The following TMC1 variants were observed in gnomAD, a reference collection of about 807,000 sequenced individuals.
The protein encoded by TMC1 is transmembrane channel like 1, also known as transmembrane channel-like protein 1.
TMC1 carries 84 observed loss-of-function variants against 105.8 expected under a neutral mutation model. That is an observed-to-expected ratio of 0.79 (90% CI 0.67 to 0.95). The LOEUF (loss-of-function observed/expected upper bound fraction) is 0.95. Among genes scored for constraint, TMC1 ranks in the 40% least tolerant of loss-of-function variants. The pLI, the probability that TMC1 is intolerant of heterozygous loss-of-function variation, is 0.00. For missense variants in TMC1, 817 were observed against 914.1 expected, an observed-to-expected ratio of 0.89 and a Z score of 1.37; for synonymous variants, 315 against 311.5, an observed-to-expected ratio of 1.01 and a Z score of -0.12.
chr9:72,601,181 C>CACACACACACAG (rs1485402368), intron 2 of TMC1, among the ~76,000 whole-genome samples: 136 of 121,786 alleles, frequency 1.1e-3, no homozygotes, highest in African/African-American at 4.3e-3. Flanking sequence ...CACACACACA[C>CACACACACACAG]ACACACACAC....
chr9:72,639,626 C>T (rs1564461347), intron 4 of TMC1, among the ~76,000 whole-genome samples: 1 of 152,226 alleles, frequency 6.6e-6, no homozygotes, highest in East Asian at 1.9e-4. Flanking sequence ...GGCAGAGTCG[C>T]TCGTGAAATA....
chr9:72,679,610 T>C (rs1826256472), intron 5 of TMC1, among the ~76,000 whole-genome samples: 1 of 152,112 alleles, frequency 6.6e-6, no homozygotes, highest in African/African-American at 2.4e-5. Flanking sequence ...GGTGAGAGCC[T>C]ACACTCTGGT....
intron 18 of TMC1, among the ~76,000 whole-genome samples, chr9:72,813,996 G>T (rs569540640): frequency 6.6e-6 from 1 of 152,290 alleles, no homozygotes; most frequent in South Asian, 2.1e-4. Context: ...GGACCCTAGG[G>T]TGTCCTTTAT....
rs147934260 is a variant in TMC1, at chr9:72,649,560, A to G, written c.16+896A>G. Among the ~76,000 whole-genome samples the G allele has an allele frequency of 2.7e-3, 413 of 152,278 alleles. 1 individual carries two copies. The highest frequency in any genetic ancestry group is 9.6e-3 in the African/African-American group (401 of 41,562). On this transcript the variant is annotated intron_variant, in intron 5 of 23. Coordinates refer to ENST00000297784, the MANE Select transcript of TMC1 (RefSeq NM_138691.3). ...GAATCTGAGCAGTACCCTATTTAAT[A>G]TGCTCATTTTATTAACTTTAAACAC...
Position 72,792,227 on chromosome 9 carries a change from C to T in TMC1, c.1441C>T (p.Leu481Phe), listed in dbSNP as rs1401888628. Residue 481 changes from leucine to phenylalanine, a missense_variant, in exon 17 of 24, where the codon CTT becomes TTT. Physicochemically the swap from Leu to Phe is conservative, Grantham distance 22 (BLOSUM62 0). Transcript: ENST00000297784. ...GAAGCTAGTAAAGGCCAATATTACC[C>T]TTTGGGAAGCCAATATGATCAAGGC... Reference protein sequence around the residue: ...EEKLVKANITLWEANMIKAYN... With the variant: ...EEKLVKANITFWEANMIKAYN... 2 of 1,614,094 alleles carry T rather than the reference C, an allele frequency of 1.2e-6. No homozygotes were observed. Among genetic ancestry groups the T allele is most frequent in the African/African-American group, 1.3e-5 (1 of 75,034 alleles).
intron 1 of TMC1, among the ~76,000 whole-genome samples, chr9:72,545,549 G>A (rs1823752866): frequency 6.6e-6 from 1 of 152,084 alleles, no homozygotes; most frequent in African/African-American, 2.4e-5. Flanking sequence ...GTGCAGTGGT[G>A]CCATCTTGGC....
chr9:72,764,004 C>A (rs1827794032), intron 12 of TMC1, among the ~76,000 whole-genome samples: 1 of 151,868 alleles, frequency 6.6e-6, no homozygotes, highest in Admixed American at 6.6e-5. Flanking sequence ...TATTGGCTGC[C>A]AAACTAATAG....
At chr9:72,747,140 T>C (rs1827502713) in intron 10 of TMC1, among the ~76,000 whole-genome samples, 1 of 152,204 alleles carries the variant, frequency 6.6e-6, no homozygotes, top group Admixed American at 6.5e-5. Context: ...CTATTTTTTT[T>C]CAGACAGGAA....
intron 20 of TMC1, among the ~76,000 whole-genome samples, chr9:72,822,198 G>GC (rs1828885696): frequency 1.3e-5 from 2 of 152,140 alleles, no homozygotes; most frequent in Non-Finnish European, 2.9e-5. Context: ...TTGATTCACT[G>GC]GCCAGCATGC....
At chr9:72,797,478 G>A (rs929826684) in intron 17 of TMC1, among the ~76,000 whole-genome samples, 1 of 152,112 alleles carries the variant, frequency 6.6e-6, no homozygotes, top group Non-Finnish European at 1.5e-5. Context: ...ATACTACAGG[G>A]CCACAGTACT....
intron 10 of TMC1, 54 bp downstream of exon 10, chr9:72,742,579 T>G (rs1427312678): frequency 3.5e-6 from 5 of 1,430,596 alleles, no homozygotes; most frequent in Non-Finnish European, 4.9e-6. Flanking sequence ...AAGTATCTCA[T>G]AAGCTTATCA....
At chr9:72,653,441 A>G (rs1362409046) in intron 5 of TMC1, among the ~76,000 whole-genome samples, 2 of 152,218 alleles carry the variant, frequency 1.3e-5, no homozygotes, top group African/African-American at 4.8e-5. Flanking sequence ...TAGACACACA[A>G]AAAACCTATG....
intron 6 of TMC1, among the ~76,000 whole-genome samples, chr9:72,692,505 C>T (rs536010161): frequency 2.6e-4 from 39 of 152,226 alleles, no homozygotes; most frequent in Non-Finnish European, 4.7e-4. Context: ...GGAGGGAAGG[C>T]GGGTCCAGGG....
At position 72,837,076 on chromosome 9, in the gene TMC1, T is replaced by C. The variant is rs1387374934; in HGVS notation, c.*1103T>C. 4 of 152,408 alleles carry C rather than the reference T, an allele frequency of 2.6e-5. No individual in the cohort carries two copies. The highest frequency in any genetic ancestry group is 5.9e-5 in the Non-Finnish European group (4 of 68,216). 9.4% of individuals were successfully genotyped at this position (152,408 alleles called of 1,614,324 possible). On this transcript the variant is annotated 3_prime_UTR_variant, in exon 24 of 24. Coordinates refer to ENST00000297784, the MANE Select transcript of TMC1 (RefSeq NM_138691.3). ...TTGCATCTCTCCCCGCTTGATTTTT[T>C]TGGCGGATGGGCTGTCCGTGTGGAT...
chr9:72,574,632 G>A (rs1824344357), intron 1 of TMC1, among the ~76,000 whole-genome samples: 1 of 152,244 alleles, frequency 6.6e-6, no homozygotes, highest in African/African-American at 2.4e-5. Flanking sequence ...ACCACAGGAA[G>A]CTGGGCTGAT....
intron 17 of TMC1, among the ~76,000 whole-genome samples, chr9:72,797,809 C>T (rs1343327344): frequency 6.6e-6 from 1 of 152,106 alleles, no homozygotes. Context: ...TAGGCACAAG[C>T]AAAGATTTCA....
At chr9:72,727,809 T>C (rs1398225759) in intron 8 of TMC1, among the ~76,000 whole-genome samples, 1 of 152,164 alleles carries the variant, frequency 6.6e-6, no homozygotes, top group African/African-American at 2.4e-5. Context: ...TACATAATAC[T>C]ATCCCTACCT....
chr9:72,796,152 C>T (rs934841333), intron 17 of TMC1, among the ~76,000 whole-genome samples: 6 of 152,098 alleles, frequency 3.9e-5, no homozygotes, highest in Non-Finnish European at 7.4e-5. Flanking sequence ...ACCTAACTAT[C>T]CTAAATATAT....
chr9:72,692,334 T>A (rs1826479245), intron 6 of TMC1, among the ~76,000 whole-genome samples: 1 of 152,158 alleles, frequency 6.6e-6, no homozygotes, highest in South Asian at 2.1e-4. Flanking sequence ...TATGGTATTG[T>A]GTTAGCAGAG....
Sources: allele counts gnomAD v4.1 joint callset (sites outside exome capture counted in the v4.1 genomes callset), GRCh38; gene constraint gnomAD v4.1.1; transcripts MANE v1.5; gene names NCBI Gene and HGNC (gene_info 2026-07-23, HGNC 2026-07-21).